PRKG2: variants seen among roughly 807,000 people sequenced by gnomAD.
The protein encoded by PRKG2 is protein kinase cGMP-dependent 2, also known as cGMP-dependent protein kinase 2.
PRKG2 carries 33 observed loss-of-function variants against 97.2 expected under a neutral mutation model. The observed-to-expected ratio is 0.34, with a 90% CI of 0.26 to 0.45. The LOEUF (loss-of-function observed/expected upper bound fraction) is 0.45, where lower values mean the gene tolerates loss of function less well. Ranked by LOEUF, PRKG2 falls within the 20% of genes least tolerant of loss-of-function variation. The probability of loss-of-function intolerance (pLI) is 1.00; values close to 1 mark genes in which losing one functional copy is unlikely to be tolerated. For missense variants in PRKG2, 638 were observed against 900.0 expected (o/e 0.71, Z 3.73); for synonymous variants, 330 against 321.8 (o/e 1.03, Z -0.27).
intron 6 of PRKG2, among the ~76,000 whole-genome samples, chr4:81,163,585 G>A (rs1454119884): frequency 6.6e-6 from 1 of 152,002 alleles, no homozygotes; most frequent in Non-Finnish European, 1.5e-5. Context: ...TTCATAACCT[G>A]GTAATGAGTT....
chr4:81,091,667 A>ATAGCAATC (rs1741548550), intron 18 of PRKG2, among the ~76,000 whole-genome samples: 1 of 152,206 alleles, frequency 6.6e-6, no homozygotes, highest in Non-Finnish European at 1.5e-5. Flanking sequence ...AAAAAGTCAG[A>ATAGCAATC]TAGCAATCTA....
At chr4:81,208,868 G>A (rs188044715) in intron 1 of PRKG2, among the ~76,000 whole-genome samples, 5 of 152,218 alleles carry the variant, frequency 3.3e-5, no homozygotes, top group East Asian at 1.9e-4. Context: ...TGAATGACAC[G>A]GAGCCAGTTC....
chr4:81,125,878 G>A (rs1159376376), intron 14 of PRKG2, among the ~76,000 whole-genome samples: 4 of 151,704 alleles, frequency 2.6e-5, no homozygotes, highest in Non-Finnish European at 4.4e-5. Context: ...TTTGTGAAGT[G>A]TTTTTTTTAA....
chr4:81,213,054 T>C (rs1462041403), intron 1 of PRKG2, among the ~76,000 whole-genome samples: 1 of 152,198 alleles, frequency 6.6e-6, no homozygotes, highest in Admixed American at 6.5e-5. Context: ...GCACCGTGTA[T>C]GGGCTAGACA....
chr4:81,125,189 A>T (rs971979969), intron 14 of PRKG2, among the ~76,000 whole-genome samples: 3 of 152,176 alleles, frequency 2.0e-5, no homozygotes, highest in African/African-American at 7.2e-5. Flanking sequence ...TAAAATCCAT[A>T]TATTTTTGGT....
chr4:81,145,313 T>C (rs974560271), intron 9 of PRKG2, among the ~76,000 whole-genome samples: 11 of 152,154 alleles, frequency 7.2e-5, no homozygotes, highest in Admixed American at 2.0e-4. Context: ...ACATGATGTG[T>C]TTACTGAATC....
chr4:81,137,784 A>G (rs1241203632), intron 12 of PRKG2, among the ~76,000 whole-genome samples: 3 of 152,216 alleles, frequency 2.0e-5, no homozygotes, highest in African/African-American at 7.2e-5. Context: ...TCTTTTTAAC[A>G]AAACATCTCA....
intron 2 of PRKG2, 145 bp from the exon 3 acceptor site, chr4:81,175,104 C>T: frequency 2.9e-6 from 2 of 698,178 alleles, no homozygotes; most frequent in Non-Finnish European, 4.3e-6. Context: ...CCCCACCAAA[C>T]ATTTCACCCT....
intron 6 of PRKG2, among the ~76,000 whole-genome samples, chr4:81,157,238 T>C (rs947875224): frequency 6.6e-6 from 1 of 151,896 alleles, no homozygotes; most frequent in Non-Finnish European, 1.5e-5. Flanking sequence ...TAAAAAATGA[T>C]AAAGGGGATA....
rs753582287 is a variant in PRKG2 at position 81,105,825 on chromosome 4, C to T, written c.2051G>A (p.Arg684Gln). ...CTGTCATTCTCACCTGCAAAGCCTC[C>T]GAATCAAATCCTCAGGTCGTCGTGT... is the stretch of plus-strand genomic sequence containing the variant. Reference protein sequence around the residue: ...KITRRPEDLIRRLCRQNPTER... With the variant: ...KITRRPEDLIQRLCRQNPTER... Residue 684 changes from arginine to glutamine, a missense_variant, in exon 16 of 19, where the codon CGG becomes CAG. Around this residue, in one of 3 missense-constraint regions of PRKG2, gnomAD observed 304 missense variants for 460.5 expected, o/e 0.66. Coordinates refer to ENST00000264399, the MANE Select transcript of PRKG2 (RefSeq NM_006259.3). 6.2e-6 allele frequency: 10 copies of T among 1,613,736 alleles called. No homozygotes were observed. The highest frequency in any genetic ancestry group is 1.3e-5 in the African/African-American group (1 of 75,022).
intron 3 of PRKG2, 119 bp downstream of exon 3, chr4:81,174,674 T>C: frequency 9.8e-7 from 1 of 1,023,252 alleles, no homozygotes; most frequent in Non-Finnish European, 1.4e-6. Context: ...TATTTCATGA[T>C]TCAATATGTT....
intron 2 of PRKG2, among the ~76,000 whole-genome samples, chr4:81,194,696 A>G (rs569533162): frequency 1.3e-5 from 2 of 152,368 alleles, no homozygotes; most frequent in South Asian, 4.1e-4. Flanking sequence ...ATCAAAACTT[A>G]CAAAGAAGTT....
At chr4:81,116,712 G>T (rs745641767) in intron 14 of PRKG2, among the ~76,000 whole-genome samples, 4 of 152,066 alleles carry the variant, frequency 2.6e-5, no homozygotes, top group Admixed American at 1.3e-4. Flanking sequence ...TAGCCATTAT[G>T]ACTGGTGTGA....
rs1262712341 is a variant in PRKG2 at position 81,111,744 on chromosome 4, G to T, written c.1777-1133C>A. Reference sequence around the variant, plus strand: ...TGGAGCTACAGAAGGGCCCCTCATTGAATCGAAGCAGTGTATATGATCAAA... The same window carrying T: ...TGGAGCTACAGAAGGGCCCCTCATTTAATCGAAGCAGTGTATATGATCAAA... On this transcript the variant is annotated intron_variant, in intron 14 of 18. Transcript: ENST00000264399. Among the ~76,000 whole-genome samples, 4 of 152,132 alleles carry T rather than the reference G, an allele frequency of 2.6e-5. No individual in the cohort carries two copies. The East Asian group carries it at 7.7e-4, about 29-fold the overall frequency.
chr4:81,089,636 A>T lies in PRKG2; in HGVS notation c.*72T>A. 8.7e-7 allele frequency: 1 copy of T among 1,148,888 alleles called. No homozygotes were observed. Among genetic ancestry groups the T allele is most frequent in the Non-Finnish European group, 1.3e-6 (1 of 786,640 alleles). 71.2% of individuals were successfully genotyped at this position (1,148,888 alleles called of 1,614,324 possible). A position where few individuals can be genotyped will look rare whatever the true frequency, so the allele number is the denominator to read the frequency against. ...AGATATTATAATACTCTGAAAAGAA[A>T]ATAATGTGTTGGATTATTGATCCTT... On this transcript the variant is annotated 3_prime_UTR_variant, in exon 19 of 19. Transcript: ENST00000264399.
intron 8 of PRKG2, among the ~76,000 whole-genome samples, chr4:81,149,562 T>A (rs576803489): frequency 2.0e-4 from 30 of 152,182 alleles, no homozygotes; most frequent in African/African-American, 4.8e-5. Flanking sequence ...AATATAGCAG[T>A]GCATCTTATA....
At chr4:81,144,437 A>G (rs1649918629) in intron 9 of PRKG2, 107 bp from the exon 10 acceptor site, 2 of 807,336 alleles carry the variant, frequency 2.5e-6, no homozygotes, top group African/African-American at 1.7e-5. Context: ...GACTTTATAA[A>G]TCATTTTTTA....
chr4:81,196,696 G>A (rs138730863), intron 2 of PRKG2, among the ~76,000 whole-genome samples: 3 of 151,598 alleles, frequency 2.0e-5, no homozygotes, highest in African/African-American at 4.8e-5. Context: ...CTGATGACTC[G>A]CATTTTATTA....
At chr4:81,203,289 A>G (rs1167129180) in intron 2 of PRKG2, among the ~76,000 whole-genome samples, 2 of 152,146 alleles carry the variant, frequency 1.3e-5, no homozygotes, top group East Asian at 1.9e-4. Flanking sequence ...CTGAAATCCA[A>G]TATTAATCAA....
Sources: gnomAD v4.1 joint callset for allele counts (sites outside exome capture counted in the v4.1 genomes callset) on GRCh38, gnomAD v4.1.1 for gene constraint, gnomAD v4.1.1 regional missense constraint, MANE v1.5 for transcripts, NCBI Gene and HGNC (gene_info 2026-07-23, HGNC 2026-07-21) for gene names.